The following NLGN1 variants were observed in gnomAD, a reference collection of about 807,000 sequenced individuals.
The protein encoded by NLGN1 is neuroligin-1.
Under a neutral mutation model 65.5 loss-of-function variants are expected in NLGN1, and 12 were observed. The ratio of observed to expected loss-of-function variants is 0.18; its 90% confidence interval spans 0.12 to 0.30. The LOEUF (loss-of-function observed/expected upper bound fraction) is 0.30, where lower values mean the gene tolerates loss of function less well. Among genes scored for constraint, NLGN1 ranks in the 10% least tolerant of loss-of-function variants. NLGN1 has a pLI of 1.00. For synonymous variants in NLGN1, 350 were observed against 359.5 expected (o/e 0.97, Z 0.30); for missense variants, 750 against 1,007.1 (o/e 0.74, Z 3.46).
intron 4 of NLGN1, 32 bp downstream of exon 4, chr3:173,807,864 G>A: frequency 6.3e-7 from 1 of 1,596,566 alleles, no homozygotes; most frequent in Non-Finnish European, 8.6e-7. Flanking sequence ...TTTTCACCAT[G>A]AATCCATGAA....
At chr3:173,901,426 A>T (rs1737365456) in intron 4 of NLGN1, among the ~76,000 whole-genome samples, 1 of 150,266 alleles carries the variant, frequency 6.7e-6, no homozygotes, top group Non-Finnish European at 1.5e-5. Flanking sequence ...GGCATATTAG[A>T]TTTGGATAAT....
chr3:173,900,085 AG>A (rs1026849352), intron 4 of NLGN1, among the ~76,000 whole-genome samples: 2 of 152,126 alleles, frequency 1.3e-5, no homozygotes, highest in African/African-American at 4.8e-5. Context: ...AGAGGACAAA[AG>A]GGCAAAACTT....
chr3:173,475,175 T>TTA (rs1725983902), intron 2 of NLGN1, among the ~76,000 whole-genome samples: 1 of 152,176 alleles, frequency 6.6e-6, no homozygotes, highest in Non-Finnish European at 1.5e-5. Context: ...CCTCTGTAAT[T>TTA]ACTAAAGTTT....
At chr3:173,944,126 TGTGTGTG>T (rs1746709526) in intron 4 of NLGN1, among the ~76,000 whole-genome samples, 1 of 124,480 alleles carries the variant, frequency 8.0e-6, no homozygotes, top group African/African-American at 2.6e-5. Context: ...ATATTATGGG[TGTGTGTG>T]TGTGTGTGTG....
At chr3:173,593,481 C>T (rs573103406) in intron 2 of NLGN1, among the ~76,000 whole-genome samples, 1 of 152,206 alleles carries the variant, frequency 6.6e-6, no homozygotes, top group Non-Finnish European at 1.5e-5. Flanking sequence ...GAAAAAAGTA[C>T]TGTGTGTTTA....
chr3:173,810,987 C>T (rs938292982), intron 4 of NLGN1, among the ~76,000 whole-genome samples: 1 of 152,186 alleles, frequency 6.6e-6, no homozygotes, highest in African/African-American at 2.4e-5. Context: ...GAATGCAGGA[C>T]TCTGCCTACT....
chr3:174,143,014 G>A (rs1350259691), intron 4 of NLGN1, among the ~76,000 whole-genome samples: 1 of 152,056 alleles, frequency 6.6e-6, no homozygotes, highest in Non-Finnish European at 1.5e-5. Flanking sequence ...CAGAGAACGA[G>A]GAGGTCTCAG....
intron 2 of NLGN1, among the ~76,000 whole-genome samples, chr3:173,558,004 C>T (rs947914039): frequency 1.3e-5 from 2 of 151,816 alleles, no homozygotes; most frequent in Non-Finnish European, 2.9e-5. Context: ...TTTTTGCTGT[C>T]TATACAATTT....
At chr3:174,263,550 A>G (rs1747385690) in intron 4 of NLGN1, among the ~76,000 whole-genome samples, 1 of 151,496 alleles carries the variant, frequency 6.6e-6, no homozygotes. Context: ...ATCTTCCTCC[A>G]TCCTTTTATA....
chr3:173,802,209 T>G lies in NLGN1; in HGVS notation c.494-5471T>G, dbSNP rs563515594. Reference sequence around the variant, plus strand: ...TTTACCTATTTAGAGTAGGTAAGTCTGAGCGATCATAGCTAGGCCATGTAA... The same window carrying G: ...TTTACCTATTTAGAGTAGGTAAGTCGGAGCGATCATAGCTAGGCCATGTAA... On this transcript the variant is annotated intron_variant, in intron 3 of 6. Coordinates refer to ENST00000457714, the Ensembl canonical transcript of NLGN1. Among the ~76,000 whole-genome samples the G allele has an allele frequency of 2.0e-5, 3 of 152,278 alleles. No individual in the cohort carries two copies. In the South Asian group the frequency reaches 6.2e-4, roughly 32 times the overall value.
intron 4 of NLGN1, among the ~76,000 whole-genome samples, chr3:174,046,317 ATTCC>A (rs1330950629): frequency 6.6e-6 from 1 of 152,052 alleles, no homozygotes; most frequent in Non-Finnish European, 1.5e-5. Context: ...ACAATAAGAT[ATTCC>A]TTCCTGCTTT....
intron 4 of NLGN1, among the ~76,000 whole-genome samples, chr3:174,120,885 C>T (rs1039234364): frequency 6.6e-6 from 1 of 152,164 alleles, no homozygotes; most frequent in Non-Finnish European, 1.5e-5. Context: ...GGCTTCACTG[C>T]TCACGACTCT....
At chr3:173,986,933 T>C (rs1720077840) in intron 4 of NLGN1, among the ~76,000 whole-genome samples, 1 of 152,184 alleles carries the variant, frequency 6.6e-6, no homozygotes, top group Non-Finnish European at 1.5e-5. Flanking sequence ...GACATTTTGG[T>C]GAATCTTCCT....
chr3:174,133,715 C>A (rs1409220119), intron 4 of NLGN1, among the ~76,000 whole-genome samples: 1 of 152,068 alleles, frequency 6.6e-6, no homozygotes, highest in Non-Finnish European at 1.5e-5. Flanking sequence ...CAAACTCGCA[C>A]ACTTCCCAAA....
intron 4 of NLGN1, among the ~76,000 whole-genome samples, chr3:174,264,626 G>T (rs575052763): frequency 6.7e-6 from 1 of 150,024 alleles, no homozygotes; most frequent in South Asian, 2.1e-4. Flanking sequence ...CCTTTGGTTT[G>T]AATGTCCTCC....
intron 4 of NLGN1, among the ~76,000 whole-genome samples, chr3:174,194,121 C>A (rs60573910): frequency 0.086 from 13,071 of 152,000 alleles, 1,139 homozygotes; most frequent in African/African-American, 0.22. Flanking sequence ...ATATTTATTT[C>A]CCACATATTT....
At chr3:174,221,494 G>C (rs1412534424) in intron 4 of NLGN1, among the ~76,000 whole-genome samples, 1 of 152,030 alleles carries the variant, frequency 6.6e-6, no homozygotes, top group Non-Finnish European at 1.5e-5. Context: ...TTCCAGTTAT[G>C]ACACAGACTT....
chr3:173,821,171 TA>T (rs886334050), intron 4 of NLGN1, among the ~76,000 whole-genome samples: 30 of 152,180 alleles, frequency 2.0e-4, no homozygotes, highest in African/African-American at 6.8e-4. Flanking sequence ...CAAACCTTTT[TA>T]AGAGGTGAGG....
At chr3:174,232,550 C>T (rs774253084) in intron 4 of NLGN1, among the ~76,000 whole-genome samples, 5 of 152,178 alleles carry the variant, frequency 3.3e-5, no homozygotes, top group Non-Finnish European at 5.9e-5. Flanking sequence ...TGGGACCCTT[C>T]AGAATGAAGA....
Sources: allele counts gnomAD v4.1 joint callset (sites outside exome capture counted in the v4.1 genomes callset), GRCh38; gene constraint gnomAD v4.1.1; transcripts MANE v1.5; gene names NCBI Gene and HGNC (gene_info 2026-07-23, HGNC 2026-07-21).